Variants in MFAP3 observed in about 807,000 individuals in gnomAD.
The protein encoded by MFAP3 is microfibril-associated glycoprotein 3.
Under a neutral mutation model 20.5 loss-of-function variants are expected in MFAP3, and 8 were observed. That is an observed-to-expected ratio of 0.39 (90% CI 0.23 to 0.70). The LOEUF is 0.70. MFAP3 is among the 30% of genes least tolerant of loss of function. MFAP3 has a pLI of 0.44. For missense variants in MFAP3, 398 were observed against 444.6 expected (o/e 0.90, Z 0.94); for synonymous variants, 140 against 154.0 (o/e 0.91, Z 0.67).
intron 1 of MFAP3, among the ~76,000 whole-genome samples, chr5:154,042,398 G>A (rs947141664): frequency 6.6e-6 from 1 of 152,212 alleles, no homozygotes. Context: ...GGTGCCAGAA[G>A]ATATGTTGAA....
intron 1 of MFAP3, among the ~76,000 whole-genome samples, chr5:154,044,636 T>C (rs1363064080): frequency 6.6e-6 from 1 of 152,194 alleles, no homozygotes; most frequent in Non-Finnish European, 1.5e-5. Flanking sequence ...TAAGGGAGTT[T>C]ATAGTGTTTT....
At chr5:154,045,257 G>C (rs1773049713) in intron 1 of MFAP3, among the ~76,000 whole-genome samples, 1 of 152,260 alleles carries the variant, frequency 6.6e-6, no homozygotes, top group South Asian at 2.1e-4. Flanking sequence ...GATAGGGATA[G>C]GGCTCAAAGA....
chr5:154,057,329 G>A lies in MFAP3; in HGVS notation c.*3616G>A, dbSNP rs1187613302. Among the ~76,000 whole-genome samples the A allele has an allele frequency of 6.6e-6, 1 of 152,080 alleles. No homozygotes were observed. The highest frequency in any genetic ancestry group is 1.5e-5 in the Non-Finnish European group (1 of 68,022). ...AAATAAGTATTTCATATAATTCAGA[G>A]GATGTTTAAATTGTCAGCATTTTAA... On this transcript the variant is annotated 3_prime_UTR_variant, in exon 3 of 3. Transcript: ENST00000522782.
intron 2 of MFAP3, among the ~76,000 whole-genome samples, chr5:154,051,136 A>G (rs573874317): frequency 1.6e-4 from 25 of 152,334 alleles, no homozygotes; most frequent in Non-Finnish European, 2.6e-4. Flanking sequence ...TTTAAAATAC[A>G]TAACTATTGA....
At chr5:154,039,774 A>G (rs538044246) in intron 1 of MFAP3, among the ~76,000 whole-genome samples, 1 of 152,320 alleles carries the variant, frequency 6.6e-6, no homozygotes, top group African/African-American at 2.4e-5. Context: ...TTGTACAGAT[A>G]AGAAAAACTG....
chr5:154,042,846 T>A (rs1007489057), intron 1 of MFAP3, among the ~76,000 whole-genome samples: 1 of 146,112 alleles, frequency 6.8e-6, no homozygotes, highest in South Asian at 2.2e-4. Context: ...AAAAAAAAAA[T>A]ACCACCTGGG....
chr5:154,051,331 C>T (rs1773188595), intron 2 of MFAP3, among the ~76,000 whole-genome samples: 1 of 152,184 alleles, frequency 6.6e-6, no homozygotes, highest in East Asian at 1.9e-4. Context: ...TAGGTTAAAA[C>T]AAGACCAGCC....
At chr5:154,045,383 A>G (rs1773052624) in intron 1 of MFAP3, among the ~76,000 whole-genome samples, 1 of 152,204 alleles carries the variant, frequency 6.6e-6, no homozygotes, top group Non-Finnish European at 1.5e-5. Flanking sequence ...TATATGCTCC[A>G]TAATATTGCA....
At chr5:154,047,087 C>A (rs1773084788) in intron 1 of MFAP3, among the ~76,000 whole-genome samples, 1 of 152,026 alleles carries the variant, frequency 6.6e-6, no homozygotes, top group Non-Finnish European at 1.5e-5. Flanking sequence ...CTCATTTTTC[C>A]CTGTCTCCTG....
chr5:154,044,092 T>G (rs1484302684), intron 1 of MFAP3, among the ~76,000 whole-genome samples: 2 of 152,240 alleles, frequency 1.3e-5, no homozygotes, highest in Non-Finnish European at 2.9e-5. Flanking sequence ...TCTTTCAAGC[T>G]GGTTTGTAAA....
rs777844963 is a variant in MFAP3 at position 154,049,677 on chromosome 5, G to C, written c.-46G>C. The C allele has an allele frequency of 5.7e-6, 9 of 1,570,108 alleles. No individual in the cohort carries two copies. The Admixed American group carries it at 1.6e-4, about 28-fold the overall frequency. On this transcript the variant is annotated 5_prime_UTR_variant, in exon 2 of 3. Coordinates refer to ENST00000522782, the MANE Select transcript of MFAP3 (RefSeq NM_005927.5). Reference sequence around the variant, plus strand: ...GCTGTGCTTTTGTTGTAGTGTAGAAGTTTTTGAGTTCTCCAAATCTAAACA... The same window carrying C: ...GCTGTGCTTTTGTTGTAGTGTAGAACTTTTTGAGTTCTCCAAATCTAAACA...
intron 1 of MFAP3, among the ~76,000 whole-genome samples, chr5:154,043,478 G>T (rs563019546): frequency 3.3e-5 from 5 of 150,522 alleles, no homozygotes; most frequent in Admixed American, 6.6e-5. Flanking sequence ...TTGAACCTGG[G>T]GGGTGGAGGT....
rs1416188904 is a variant in MFAP3 at position 154,049,777 on chromosome 5, G to A, written c.55G>A (p.Ala19Thr). 1 of 1,613,618 alleles carries A rather than the reference G, an allele frequency of 6.2e-7. No homozygotes were observed. Among genetic ancestry groups the A allele is most frequent in the South Asian group, 1.1e-5 (1 of 91,070 alleles). The change falls in exon 2 of 3, where the codon GCT becomes ACT. Residue 19 changes from alanine to threonine, a missense_variant. By Grantham distance (58) the Ala-to-Thr change is moderately conservative. Coordinates refer to ENST00000522782, the MANE Select transcript of MFAP3 (RefSeq NM_005927.5). ...AGTGGCAAGTATTATTGTGCCAGCTGCTTTTGTTTTGGAAGATGTGGACTT... is the reference window on the plus strand; with the variant it reads ...AGTGGCAAGTATTATTGTGCCAGCTACTTTTGTTTTGGAAGATGTGGACTT... ...TLVASIIVPAAFVLEDVDFDQ... is the reference protein window; with the variant it reads ...TLVASIIVPATFVLEDVDFDQ...
Position 154,049,538 on chromosome 5 carries a change from G to T in MFAP3, c.-166-19G>T. ...TATGAATCTCAGTTGGTTAAACTTT[G>T]TATCTGGCTTTCTTTTAGGTTCTCT... On this transcript the variant is annotated intron_variant, in intron 1 of 2. Transcript: ENST00000522782. 1 of 599,182 alleles carries T rather than the reference G, an allele frequency of 1.7e-6. No individual in the cohort carries two copies. The allele number at this position is 599,182 out of a possible 1,614,324, so 37.1% of individuals were successfully genotyped here. A position where few individuals can be genotyped will look rare whatever the true frequency, so the allele number is the denominator to read the frequency against.
rs1325010246 is a variant in MFAP3, at chr5:154,053,374, C to G, written c.750C>G (p.Ala250=). The part of the protein sequence containing the change: ...PLPPLILNCR[A]FVEEMFEAVR... ...CACCTCTTATTCTAAACTGTCGAGC[C>G]TTTGTTGAGGAGATGTTTGAGGCTG... Residue 250 remains alanine, a synonymous_variant, in exon 3 of 3, where the codon GCC becomes GCG. Transcript: ENST00000522782. The G allele has an allele frequency of 1.2e-6, 2 of 1,613,778 alleles. No individual in the cohort carries two copies. The highest frequency in any genetic ancestry group is 2.7e-5 in the African/African-American group (2 of 74,848).
rs1773281006 is a variant in MFAP3, at chr5:154,054,385, C to A, written c.*672C>A. 1 of 166,928 alleles carries A rather than the reference C, an allele frequency of 6.0e-6. No individual in the cohort carries two copies. The highest frequency in any genetic ancestry group is 1.5e-5 in the Non-Finnish European group (1 of 68,114). 10.3% of individuals were successfully genotyped at this position (166,928 alleles called of 1,614,324 possible). A position where few individuals can be genotyped will look rare whatever the true frequency, so the allele number is the denominator to read the frequency against. On this transcript the variant is annotated 3_prime_UTR_variant, in exon 3 of 3. Transcript: ENST00000522782. Reference sequence around the variant, plus strand: ...GGTTATACAGATGTCAGAGAGCTAACTGCTCTGTAAACTACTTTCCATGAG... The same window carrying A: ...GGTTATACAGATGTCAGAGAGCTAAATGCTCTGTAAACTACTTTCCATGAG...
At chr5:154,051,909 T>A (rs2578368) in intron 2 of MFAP3, 98,405 of 151,400 alleles carry the variant, frequency 0.65, 32,319 homozygotes, top group East Asian at 0.88. Flanking sequence ...CTGGGACACC[T>A]CCTCTAGTCA....
intron 1 of MFAP3, among the ~76,000 whole-genome samples, chr5:154,041,064 A>G (rs1772935992): frequency 6.6e-6 from 1 of 152,104 alleles, no homozygotes; most frequent in Non-Finnish European, 1.5e-5. Flanking sequence ...ACGGATAACT[A>G]ACTGCTAAGA....
Position 154,049,599 on chromosome 5 carries a change from A to T in MFAP3, c.-124A>T. The T allele has an allele frequency of 1.1e-6, 1 of 919,004 alleles. No homozygotes were observed. The highest frequency in any genetic ancestry group is 1.7e-5 in the African/African-American group (1 of 59,534). 56.9% of individuals were successfully genotyped at this position (919,004 alleles called of 1,614,324 possible). On this transcript the variant is annotated 5_prime_UTR_variant, in exon 2 of 3. Coordinates refer to ENST00000522782, the MANE Select transcript of MFAP3 (RefSeq NM_005927.5). ...TTTAATCTTGAAGACTAGAAAATAT[A>T]ACTGGATCTACCACTTGTTTGGAAA...
Sources: allele counts gnomAD v4.1 joint callset (sites outside exome capture counted in the v4.1 genomes callset), GRCh38; gene constraint gnomAD v4.1.1; transcripts MANE v1.5; gene names NCBI Gene and HGNC (gene_info 2026-07-23, HGNC 2026-07-21).